The following TBL1X variants were observed in gnomAD, a reference collection of about 807,000 sequenced individuals.
The protein encoded by TBL1X is transducin beta like 1 X-linked.
In TBL1X, 10 loss-of-function variants were observed where a neutral mutation model predicts 50.7. The observed-to-expected ratio is 0.20, with a 90% CI of 0.12 to 0.33. TBL1X has a LOEUF of 0.33. TBL1X is among the 10% of genes least tolerant of loss of function. The pLI is 1.00. For synonymous variants in TBL1X, 190 were observed against 214.7 expected (o/e 0.88, Z 1.01); for missense variants, 340 against 504.4 (o/e 0.67, Z 3.12).
chrX:9,648,624 C>G (rs1166842236), intron 3 of TBL1X, among the ~76,000 whole-genome samples: 2 of 112,355 alleles, frequency 1.8e-5, no homozygotes, highest in Non-Finnish European at 3.8e-5. Flanking sequence ...AAACATCCCC[C>G]TCCTCTTCTG....
At chrX:9,476,128 G>T (rs149801815) in intron 1 of TBL1X, among the ~76,000 whole-genome samples, 65 of 112,157 alleles carry the variant, frequency 5.8e-4, no homozygotes, top group African/African-American at 1.9e-3. Flanking sequence ...TCACTGTGAA[G>T]AGAGGAGAAA....
In TBL1X at chrX:9,716,282, A is replaced by G. The variant is rs762778891; in HGVS notation, c.*36A>G. The G allele has an allele frequency of 5.0e-5, 60 of 1,188,298 alleles. No homozygotes were observed. The highest frequency in any genetic ancestry group is 7.0e-5 in the African/African-American group (4 of 56,749). ...TTATCGAAAAAAGAAAAGAATTCTA[A>G]TGACCAGCCGTGAATGTGTAGGGTT... On this transcript the variant is annotated 3_prime_UTR_variant, in exon 18 of 18. Coordinates refer to ENST00000645353, the MANE Select transcript of TBL1X (RefSeq NM_005647.4).
At chrX:9,593,490 A>G (rs2082512669) in intron 2 of TBL1X, among the ~76,000 whole-genome samples, 1 of 110,978 alleles carries the variant, frequency 9.0e-6, no homozygotes, top group Non-Finnish European at 1.9e-5. Context: ...TTCGCTTAGC[A>G]GATCTGAGCT....
chrX:9,676,855 C>A lies in TBL1X; in HGVS notation c.212-7188C>A, dbSNP rs772312273. Among the ~76,000 whole-genome samples the A allele has an allele frequency of 2.7e-5, 3 of 111,359 alleles. No individual in the cohort carries two copies. The South Asian group carries it at 1.1e-3, about 42-fold the overall frequency. On this transcript the variant is annotated intron_variant, in intron 5 of 17. Coordinates refer to ENST00000645353, the MANE Select transcript of TBL1X (RefSeq NM_005647.4). ...CCCAGCATATTTTTTTTTCTTTTTA[C>A]CATGGATGTAATTGGAGTTTACATA...
At chrX:9,606,516 A>C (rs370022701) in intron 2 of TBL1X, among the ~76,000 whole-genome samples, 3 of 110,451 alleles carry the variant, frequency 2.7e-5, no homozygotes, top group East Asian at 2.9e-4. Context: ...CTGTCTGTAC[A>C]AAAACATTAA....
intron 5 of TBL1X, among the ~76,000 whole-genome samples, chrX:9,677,019 C>T: frequency 8.9e-6 from 1 of 111,753 alleles, no homozygotes. Context: ...TTTCTGTTTA[C>T]TGTTCCTAAC....
chrX:9,701,527 C>T (rs1168381604), intron 12 of TBL1X, among the ~76,000 whole-genome samples: 4 of 92,279 alleles, frequency 4.3e-5, no homozygotes, highest in Non-Finnish European at 8.2e-5. Flanking sequence ...TTGTCTTGGG[C>T]CACACATAAA....
At chrX:9,623,624 C>T (rs1362734662) in intron 2 of TBL1X, among the ~76,000 whole-genome samples, 1 of 112,112 alleles carries the variant, frequency 8.9e-6, no homozygotes, top group African/African-American at 3.2e-5. Flanking sequence ...GAGATGGAGG[C>T]TGCAGTGAGC....
At chrX:9,567,701 C>T (rs1482986828) in intron 2 of TBL1X, among the ~76,000 whole-genome samples, 1 of 112,255 alleles carries the variant, frequency 8.9e-6, no homozygotes, top group African/African-American at 3.2e-5. Flanking sequence ...TTCCAGGCCA[C>T]ATCCTCTTTC....
chrX:9,526,800 C>T (rs921404520), intron 2 of TBL1X, among the ~76,000 whole-genome samples: 5 of 112,294 alleles, frequency 4.5e-5, no homozygotes, highest in African/African-American at 1.6e-4. Flanking sequence ...GCAGCTTCCC[C>T]TGTGCAGGTC....
intron 9 of TBL1X, among the ~76,000 whole-genome samples, chrX:9,692,703 C>T (rs2083106136): frequency 8.9e-6 from 1 of 112,901 alleles, no homozygotes; most frequent in South Asian, 3.6e-4. Context: ...CCACTGCCCC[C>T]GGCCAGTCTT....
intron 12 of TBL1X, among the ~76,000 whole-genome samples, chrX:9,699,792 C>T (rs892142616): frequency 7.1e-5 from 8 of 111,907 alleles, no homozygotes; most frequent in Non-Finnish European, 1.3e-4. Flanking sequence ...TCAGGGAGGA[C>T]GCTGTTTCTG....
Position 9,688,002 on chromosome X carries a change from G to A in TBL1X, c.358-15G>A. The A allele has an allele frequency of 8.4e-7, 1 of 1,197,502 alleles. No individual in the cohort carries two copies. The highest frequency in any genetic ancestry group is 1.1e-6 in the Non-Finnish European group (1 of 887,893). The stretch of plus-strand genomic sequence containing the variant: ...CCCCGTGAGCTGACAGCTGTACCTT[G>A]GCTTGCTTCCCCAGGATGGCACAGT... On this transcript the variant is annotated splice_polypyrimidine_tract_variant and intron_variant, in intron 6 of 17. Coordinates refer to ENST00000645353, the MANE Select transcript of TBL1X (RefSeq NM_005647.4).
At chrX:9,635,604 C>T (rs1190739053) in intron 2 of TBL1X, among the ~76,000 whole-genome samples, 1 of 111,944 alleles carries the variant, frequency 8.9e-6, no homozygotes, top group African/African-American at 3.2e-5. Context: ...GCTTGCCAAG[C>T]AGGGCTCTGG....
At chrX:9,665,615 G>A (rs1231020507) in intron 5 of TBL1X, among the ~76,000 whole-genome samples, 1 of 93,144 alleles carries the variant, frequency 1.1e-5, no homozygotes, top group African/African-American at 4.0e-5. Flanking sequence ...TTAGTCAGCT[G>A]AATTATTTCC....
chrX:9,509,582 C>T lies in TBL1X; in HGVS notation c.-131+7733C>T, dbSNP rs182212409. ...CTCACTGGAGCCTTGATCTCGTGGGCTCAAGTGATCCTCTTGCCTCAACCT... is the reference window on the plus strand; with the variant it reads ...CTCACTGGAGCCTTGATCTCGTGGGTTCAAGTGATCCTCTTGCCTCAACCT... On this transcript the variant is annotated intron_variant, in intron 2 of 17. Transcript: ENST00000645353. Among the ~76,000 whole-genome samples, 160 of 96,727 alleles carry T rather than the reference C, an allele frequency of 1.7e-3. 2 individuals carry two copies. In the East Asian group the frequency reaches 0.054, roughly 33 times the overall value. The allele number at this position is 96,727 out of a possible 115,157, so 84.0% of individuals were successfully genotyped here. A position where few individuals can be genotyped will look rare whatever the true frequency, so the allele number is the denominator to read the frequency against.
chrX:9,648,396 C>T (rs764687854), intron 3 of TBL1X, among the ~76,000 whole-genome samples: 43 of 112,221 alleles, frequency 3.8e-4, no homozygotes, highest in African/African-American at 1.4e-3. Flanking sequence ...ACATAGCTGT[C>T]GATGGCACTT....
intron 13 of TBL1X, among the ~76,000 whole-genome samples, chrX:9,706,299 C>T (rs1231853129): frequency 9.0e-6 from 1 of 111,206 alleles, no homozygotes; most frequent in Non-Finnish European, 1.9e-5. Context: ...GGCTTAATGG[C>T]TTATGGAACA....
chrX:9,526,899 C>T (rs1175835457), intron 2 of TBL1X, among the ~76,000 whole-genome samples: 1 of 111,496 alleles, frequency 9.0e-6, no homozygotes, highest in Non-Finnish European at 1.9e-5. Context: ...TGGAAAGCAG[C>T]CACAGACACA....
Sources: gnomAD v4.1 joint callset for allele counts (sites outside exome capture counted in the v4.1 genomes callset) on GRCh38, gnomAD v4.1.1 for gene constraint, MANE v1.5 for transcripts, NCBI Gene and HGNC (gene_info 2026-07-23, HGNC 2026-07-21) for gene names.